Variants in PABPC4 observed in about 807,000 individuals in gnomAD.
The protein encoded by PABPC4 is poly(A) binding protein cytoplasmic 4, also known as polyadenylate-binding protein 4.
In PABPC4, 15 loss-of-function variants were observed where a neutral mutation model predicts 74.5. The observed-to-expected ratio is 0.20, with a 90% CI of 0.13 to 0.31. The LOEUF (loss-of-function observed/expected upper bound fraction) is 0.31. Among genes scored for constraint, PABPC4 ranks in the 10% least tolerant of loss-of-function variants. PABPC4 has a pLI of 1.00. For missense variants in PABPC4, 610 were observed against 853.5 expected (o/e 0.71, Z 3.55); for synonymous variants, 345 against 303.0 (o/e 1.14, Z -1.44).
rs1437568628 is a variant in PABPC4, at chr1:39,575,910, G to A, written c.42C>T (p.Tyr14=). 1.2e-6 allele frequency: 2 copies of A among 1,609,300 alleles called. No individual in the cohort carries two copies. Among genetic ancestry groups the A allele is most frequent in the Admixed American group, 1.7e-5 (1 of 59,780 alleles). The part of the protein sequence containing the change: ...AASSYPMASL[Y]VGDLHSDVTE... Reference sequence around the variant, plus strand: ...TGACGTCCGAATGCAGGTCGCCCACGTACAGGGAGGCCATGGGGTAGCTGC... The same window carrying A: ...TGACGTCCGAATGCAGGTCGCCCACATACAGGGAGGCCATGGGGTAGCTGC... Residue 14 remains tyrosine, a synonymous_variant, in exon 1 of 16, where the codon TAC becomes TAT. Transcript: ENST00000372858.
chr1:39,573,246 T>C (rs1456317301), intron 1 of PABPC4: 1 of 151,494 alleles, frequency 6.6e-6, no homozygotes, highest in African/African-American at 2.4e-5. Flanking sequence ...AGAAATTGAC[T>C]TAAACAAAAA....
chr1:39,563,471 G>T, intron 12 of PABPC4, 143 bp downstream of exon 12: 1 of 1,074,184 alleles, frequency 9.3e-7, no homozygotes. Context: ...AGCCCCTGAA[G>T]GGCAGGGACA....
intron 1 of PABPC4, among the ~76,000 whole-genome samples, chr1:39,575,522 A>C (rs985902971): frequency 1.3e-5 from 2 of 152,168 alleles, no homozygotes; most frequent in African/African-American, 4.8e-5. Context: ...TTCCAACCCC[A>C]CTACCAGCAA....
intron 7 of PABPC4, among the ~76,000 whole-genome samples, chr1:39,565,937 G>C (rs924573415): frequency 6.6e-6 from 1 of 152,170 alleles, no homozygotes; most frequent in Non-Finnish European, 1.5e-5. Flanking sequence ...GATGTCCCTG[G>C]GTGGGGAGGG....
chr1:39,561,463 C>T, intron 15 of PABPC4: 1 of 534,562 alleles, frequency 1.9e-6, no homozygotes, highest in Non-Finnish European at 3.4e-6. Flanking sequence ...CACCTACAAC[C>T]ATCAACCAGT....
chr1:39,565,897 C>A (rs1189598339), intron 7 of PABPC4, among the ~76,000 whole-genome samples: 7 of 151,710 alleles, frequency 4.6e-5, no homozygotes, highest in Non-Finnish European at 7.4e-5. Context: ...ACAAAAAAAA[C>A]AAAACAAACC....
At chr1:39,570,320 G>A (rs1238460553) in intron 3 of PABPC4, among the ~76,000 whole-genome samples, 2 of 152,214 alleles carry the variant, frequency 1.3e-5, no homozygotes, top group African/African-American at 4.8e-5. Context: ...CATAGAAAAG[G>A]TCTGGAAGGA....
intron 8 of PABPC4, 149 bp downstream of exon 8, chr1:39,564,957 G>A (rs1208647945): frequency 2.1e-6 from 2 of 947,196 alleles, no homozygotes; most frequent in Admixed American, 4.8e-5. Context: ...GTGTGTGTTT[G>A]TGACCATGGG....
chr1:39,565,476 A>G, intron 7 of PABPC4, 98 bp from the exon 8 acceptor site: 1 of 1,298,450 alleles, frequency 7.7e-7, no homozygotes, highest in Non-Finnish European at 1.1e-6. Flanking sequence ...CTGAGGTGGG[A>G]GGGCTGCTTG....
intron 1 of PABPC4, among the ~76,000 whole-genome samples, chr1:39,574,280 T>C (rs932459122): frequency 2.6e-5 from 4 of 152,184 alleles, no homozygotes; most frequent in Non-Finnish European, 4.4e-5. Flanking sequence ...CAGAGATAGA[T>C]AGCTGGGATC....
chr1:39,576,555 C>CGGACCGACGGACGG lies in PABPC4; in HGVS notation c.-618_-605dup, dbSNP rs1170509027. ...GCGGGCCGGGCGGGCGGCTCACCCCCGGACCGACGGACGGAGACCGACGGA... is the reference window on the plus strand; with the variant it reads ...GCGGGCCGGGCGGGCGGCTCACCCCCGGACCGACGGACGGGGACCGACGGACGGAGACCGACGGA... On this transcript the variant is annotated 5_prime_UTR_variant, in exon 1 of 16. Coordinates refer to ENST00000372858, the MANE Select transcript of PABPC4 (RefSeq NM_001135653.2). 2.0e-5 allele frequency: 3 copies of CGGACCGACGGACGG among 149,616 alleles called. No individual in the cohort carries two copies. The East Asian group carries it at 5.9e-4, about 29-fold the overall frequency. 9.3% of individuals were successfully genotyped at this position (149,616 alleles called of 1,614,324 possible).
chr1:39,568,797 C>CT lies in PABPC4; in HGVS notation c.876+4dup. ...CATTGCTAGGCTGGGCCAAGACCAC[C>CT]TTACCTGATATCGACTAATTCTCTC... On this transcript the variant is annotated splice_donor_region_variant and intron_variant, in intron 6 of 15. Coordinates refer to ENST00000372858, the MANE Select transcript of PABPC4 (RefSeq NM_001135653.2). 6.2e-7 allele frequency: 1 copy of CT among 1,612,802 alleles called. No individual in the cohort carries two copies. Among genetic ancestry groups the CT allele is most frequent in the Non-Finnish European group, 8.5e-7 (1 of 1,179,618 alleles).
Position 39,568,829 on chromosome 1 carries a change from C to G in PABPC4, c.849G>C (p.Leu283Phe), listed in dbSNP as rs770029017. 1.5e-5 allele frequency: 25 copies of G among 1,613,962 alleles called. No individual in the cohort carries two copies. The Admixed American group carries it at 4.2e-4, about 27-fold the overall frequency. Residue 283 changes from leucine (L) to phenylalanine (F), a missense_variant, in exon 6 of 16, where the codon TTG becomes TTC. Physicochemically the swap from Leu to Phe is conservative, Grantham distance 22 (BLOSUM62 0). Coordinates refer to ENST00000372858, the MANE Select transcript of PABPC4 (RefSeq NM_001135653.2). ...GATATCGACTAATTCTCTCCTGTTT[C>G]AACTGTTCAAATTTCCGTTTTAACT... Reference protein sequence around the residue: ...QAELKRKFEQLKQERISRYQG... With the variant: ...QAELKRKFEQFKQERISRYQG...
intron 12 of PABPC4, 33 bp from the exon 13 acceptor site, chr1:39,562,449 G>GAGGAA: frequency 1.3e-6 from 2 of 1,516,244 alleles, no homozygotes; most frequent in South Asian, 2.3e-5. Context: ...GGTTAGCACT[G>GAGGAA]AGGAAAGGAC....
intron 1 of PABPC4, among the ~76,000 whole-genome samples, chr1:39,575,326 C>T (rs1646008192): frequency 6.6e-6 from 1 of 152,196 alleles, no homozygotes; most frequent in South Asian, 2.1e-4. Context: ...GTAAAGGTGG[C>T]GGAGCGGGCA....
intron 10 of PABPC4, 71 bp from the exon 11 acceptor site, chr1:39,563,993 G>C: frequency 6.9e-7 from 1 of 1,445,082 alleles, no homozygotes; most frequent in South Asian, 1.2e-5. Context: ...CACGGAAGGA[G>C]AAATTTCAAA....
In PABPC4 at chr1:39,576,265, G is replaced by A. The variant is rs1570405606; in HGVS notation, c.-314C>T. Reference sequence around the variant, plus strand: ...ATCAAAGTAGGAAAAAAATTAAACGGGGAATCCCCTTCCGAAGGGTAAAAA... The same window carrying A: ...ATCAAAGTAGGAAAAAAATTAAACGAGGAATCCCCTTCCGAAGGGTAAAAA... On this transcript the variant is annotated 5_prime_UTR_variant, in exon 1 of 16. Transcript: ENST00000372858. 7.1e-6 allele frequency: 2 copies of A among 281,596 alleles called. No homozygotes were observed. The highest frequency in any genetic ancestry group is 6.0e-5 in the East Asian group (1 of 16,604). The allele number at this position is 281,596 out of a possible 1,614,324, so 17.4% of individuals were successfully genotyped here.
At chr1:39,573,331 C>A (rs1384488275) in intron 1 of PABPC4, 1 of 152,222 alleles carries the variant, frequency 6.6e-6, no homozygotes, top group African/African-American at 2.4e-5. Context: ...GATAAAACCA[C>A]CATACCTTCT....
Position 39,562,080 on chromosome 1 carries a change from C to T in PABPC4, c.1886G>A (p.Arg629His), listed in dbSNP as rs765907104. ...GTCTGAGCCCCAGCTCACCTTGGAG[C>T]GGAGAGACTCGGGGGACTCTAACAT... is the stretch of plus-strand genomic sequence containing the variant. Reference protein sequence around the residue: ...LHMLESPESLRSKVDEAVAVL... With the variant: ...LHMLESPESLHSKVDEAVAVL... The change falls in exon 14 of 16, where the codon CGC becomes CAC. Residue 629 changes from arginine (R) to histidine (H), a missense_variant. By Grantham distance (29) the Arg-to-His change is conservative. Coordinates refer to ENST00000372858, the MANE Select transcript of PABPC4 (RefSeq NM_001135653.2). 3.7e-6 allele frequency: 6 copies of T among 1,612,492 alleles called. No homozygotes were observed. In the African/African-American group the frequency reaches 4.0e-5, roughly 11 times the overall value.
Sources: allele counts gnomAD v4.1 joint callset (sites outside exome capture counted in the v4.1 genomes callset), GRCh38; gene constraint gnomAD v4.1.1; transcripts MANE v1.5; gene names NCBI Gene and HGNC (gene_info 2026-07-23, HGNC 2026-07-21).